CHCHD6: variants seen among roughly 807,000 people sequenced by gnomAD.
CHCHD6 encodes the protein coiled-coil-helix-coiled-coil-helix domain containing 6.
CHCHD6 carries 28 observed loss-of-function variants against 32.3 expected under a neutral mutation model. That is an observed-to-expected ratio of 0.87 (90% CI 0.64 to 1.19). The LOEUF (loss-of-function observed/expected upper bound fraction) is 1.19. CHCHD6 is among the 50% of genes most tolerant of loss of function. The pLI is 0.00. For synonymous variants in CHCHD6, 122 were observed against 117.5 expected (o/e 1.04, Z -0.25); for missense variants, 333 against 307.0 (o/e 1.08, Z -0.63).
chr3:126,793,281 G>A (rs939756724), intron 4 of CHCHD6, among the ~76,000 whole-genome samples: 1 of 152,078 alleles, frequency 6.6e-6, no homozygotes, highest in African/African-American at 2.4e-5. Flanking sequence ...TGCTTCTACT[G>A]TTTTTTATTC....
intron 4 of CHCHD6, among the ~76,000 whole-genome samples, chr3:126,836,900 G>A (rs1940884416): frequency 6.6e-6 from 1 of 152,156 alleles, no homozygotes; most frequent in Admixed American, 6.5e-5. Flanking sequence ...CAAGTGCGGG[G>A]GACTGGCCTG....
At chr3:126,790,192 A>T (rs1014812085) in intron 4 of CHCHD6, among the ~76,000 whole-genome samples, 7 of 152,202 alleles carry the variant, frequency 4.6e-5, no homozygotes, top group Middle Eastern at 3.4e-3. Context: ...CTGAGAGATC[A>T]GCTGTTAGTC....
At chr3:126,806,138 T>C (rs1289653934) in intron 4 of CHCHD6, among the ~76,000 whole-genome samples, 125 of 134,542 alleles carry the variant, frequency 9.3e-4, no homozygotes, top group South Asian at 3.2e-3. Context: ...GACATAGGCA[T>C]GGGCAAGGAC....
At chr3:126,920,935 C>G (rs549800569) in intron 6 of CHCHD6, among the ~76,000 whole-genome samples, 1 of 152,292 alleles carries the variant, frequency 6.6e-6, no homozygotes, top group East Asian at 1.9e-4. Flanking sequence ...CCTTAGATGC[C>G]TTCCCACAGA....
chr3:126,814,212 G>A (rs1273319520), intron 4 of CHCHD6, among the ~76,000 whole-genome samples: 1 of 152,212 alleles, frequency 6.6e-6, no homozygotes, highest in Non-Finnish European at 1.5e-5. Context: ...TATTTTAAAA[G>A]CGTTGGCGGT....
chr3:126,754,526 G>T (rs556413198), intron 4 of CHCHD6, among the ~76,000 whole-genome samples: 11 of 152,300 alleles, frequency 7.2e-5, no homozygotes, highest in Non-Finnish European at 5.9e-5. Context: ...CTAAGGTACC[G>T]GCTATTGGCA....
At chr3:126,815,560 C>T (rs939218030) in intron 4 of CHCHD6, among the ~76,000 whole-genome samples, 1 of 151,928 alleles carries the variant, frequency 6.6e-6, no homozygotes, top group Non-Finnish European at 1.5e-5. Flanking sequence ...CTCAACCTTG[C>T]GTTTTCCTTC....
At chr3:126,955,055 C>A (rs1419129250) in intron 6 of CHCHD6, among the ~76,000 whole-genome samples, 1 of 152,222 alleles carries the variant, frequency 6.6e-6, no homozygotes, top group Admixed American at 6.5e-5. Context: ...CACTCAGAAC[C>A]AAAGCTGTAT....
chr3:126,934,624 C>T (rs962922451), intron 6 of CHCHD6, among the ~76,000 whole-genome samples: 2 of 139,712 alleles, frequency 1.4e-5, no homozygotes, highest in Admixed American at 7.8e-5. Flanking sequence ...TCTCGGCTCA[C>T]TGCAAGCTCT....
intron 4 of CHCHD6, among the ~76,000 whole-genome samples, chr3:126,747,947 G>A (rs1184257755): frequency 1.3e-5 from 2 of 152,020 alleles, no homozygotes; most frequent in Admixed American, 6.6e-5. Flanking sequence ...CTGCCTTGCC[G>A]TCCTCTTGCT....
At chr3:126,844,640 G>A (rs1432569044) in intron 4 of CHCHD6, among the ~76,000 whole-genome samples, 2 of 152,108 alleles carry the variant, frequency 1.3e-5, no homozygotes, top group Non-Finnish European at 2.9e-5. Context: ...TTAGGACTTT[G>A]CCTTCTCATT....
intron 3 of CHCHD6, among the ~76,000 whole-genome samples, chr3:126,730,901 G>T (rs1444615370): frequency 6.6e-6 from 1 of 151,970 alleles, no homozygotes; most frequent in Non-Finnish European, 1.5e-5. Flanking sequence ...TTGAGGCCAG[G>T]AGTTTGAGAC....
At chr3:126,741,305 G>A (rs186763907) in intron 4 of CHCHD6, among the ~76,000 whole-genome samples, 11 of 151,924 alleles carry the variant, frequency 7.2e-5, no homozygotes, top group African/African-American at 2.7e-4. Context: ...CTCCATGACA[G>A]AATTGATGTG....
At chr3:126,923,270 T>C (rs1387212549) in intron 6 of CHCHD6, among the ~76,000 whole-genome samples, 6 of 152,256 alleles carry the variant, frequency 3.9e-5, no homozygotes. Flanking sequence ...TTTTATGTCC[T>C]ACTTTCTGTC....
chr3:126,784,089 G>A (rs1938081853), intron 4 of CHCHD6, among the ~76,000 whole-genome samples: 1 of 152,096 alleles, frequency 6.6e-6, no homozygotes, highest in Non-Finnish European at 1.5e-5. Context: ...CTGCCTGCAG[G>A]TAGCTTTCTG....
At chr3:126,884,375 GCAAT>G (rs2077652411) in intron 5 of CHCHD6, among the ~76,000 whole-genome samples, 1 of 152,096 alleles carries the variant, frequency 6.6e-6, no homozygotes, top group African/African-American at 2.4e-5. Context: ...GGTAATTTTG[GCAAT>G]CAAAGAGGGA....
chr3:126,774,916 G>A (rs551228479), intron 4 of CHCHD6, among the ~76,000 whole-genome samples: 14 of 152,222 alleles, frequency 9.2e-5, no homozygotes, highest in Non-Finnish European at 1.9e-4. Context: ...ATTCCCATTG[G>A]CATCCCCTCC....
At chr3:126,947,155 G>A (rs1289478099) in intron 6 of CHCHD6, among the ~76,000 whole-genome samples, 2 of 152,234 alleles carry the variant, frequency 1.3e-5, no homozygotes, top group African/African-American at 4.8e-5. Flanking sequence ...GGCCACCTAC[G>A]ATGTGTGCGC....
At chr3:126,736,603 A>G (rs776805100) in intron 4 of CHCHD6, among the ~76,000 whole-genome samples, 3 of 152,206 alleles carry the variant, frequency 2.0e-5, no homozygotes, top group African/African-American at 7.2e-5. Flanking sequence ...TATAAAACTA[A>G]TGACAAGGAA....
Sources: allele counts gnomAD v4.1 joint callset (sites outside exome capture counted in the v4.1 genomes callset), GRCh38; gene constraint gnomAD v4.1.1; transcripts MANE v1.5; gene names NCBI Gene and HGNC (gene_info 2026-07-23, HGNC 2026-07-21).